The following FARS2 variants were observed in gnomAD, a reference collection of about 807,000 sequenced individuals.
The protein encoded by FARS2 is phenylalanyl-tRNA synthetase 2, mitochondrial, also known as phenylalanine--tRNA ligase, mitochondrial.
FARS2 carries 40 observed loss-of-function variants against 46.4 expected under a neutral mutation model. That is an observed-to-expected ratio of 0.86 (90% CI 0.67 to 1.12). The LOEUF (loss-of-function observed/expected upper bound fraction) is 1.12, where lower values mean the gene tolerates loss of function less well. FARS2 is among the 50% of genes most tolerant of loss of function. FARS2 has a pLI of 0.00. For synonymous variants in FARS2, 234 were observed against 214.9 expected, an observed-to-expected ratio of 1.09 and a Z score of -0.78; for missense variants, 513 against 567.9, an observed-to-expected ratio of 0.90 and a Z score of 0.98.
chr6:5,389,273 A>G (rs1050431093), intron 2 of FARS2, among the ~76,000 whole-genome samples: 19 of 152,108 alleles, frequency 1.2e-4, no homozygotes, highest in African/African-American at 4.3e-4. Context: ...TTAGGCGAGT[A>G]CTATTGTTGA....
chr6:5,649,882 A>G (rs968650304), intron 6 of FARS2, among the ~76,000 whole-genome samples: 2 of 152,224 alleles, frequency 1.3e-5, no homozygotes, highest in African/African-American at 4.8e-5. Context: ...ATTGTTGGTG[A>G]GTGAGGCCTA....
intron 1 of FARS2, among the ~76,000 whole-genome samples, chr6:5,323,268 T>G (rs953600863): frequency 6.6e-6 from 1 of 152,232 alleles, no homozygotes; most frequent in African/African-American, 2.4e-5. Flanking sequence ...AAGTTTTTCT[T>G]TGTTTATGCT....
chr6:5,770,535 G>A (rs1374019615), intron 6 of FARS2, among the ~76,000 whole-genome samples: 1 of 152,184 alleles, frequency 6.6e-6, no homozygotes, highest in South Asian at 2.1e-4. Context: ...CAGCCACACA[G>A]CCAGTGAGAG....
intron 6 of FARS2, among the ~76,000 whole-genome samples, chr6:5,620,611 C>T (rs1171568338): frequency 6.6e-6 from 1 of 152,202 alleles, no homozygotes; most frequent in African/African-American, 2.4e-5. Flanking sequence ...CTCTCCCCAC[C>T]TTCCCACCAT....
At chr6:5,690,670 C>T (rs1252467373) in intron 6 of FARS2, among the ~76,000 whole-genome samples, 26 of 151,984 alleles carry the variant, frequency 1.7e-4, no homozygotes, top group South Asian at 6.2e-4. Flanking sequence ...CTGACAATTA[C>T]GTGTCTTGGA....
At chr6:5,675,128 G>A (rs1356234400) in intron 6 of FARS2, among the ~76,000 whole-genome samples, 2 of 152,116 alleles carry the variant, frequency 1.3e-5, no homozygotes, top group African/African-American at 4.8e-5. Context: ...AATATTTGGT[G>A]AAGAAGGTGT....
chr6:5,321,429 G>T (rs1037583193), intron 1 of FARS2, among the ~76,000 whole-genome samples: 1 of 152,174 alleles, frequency 6.6e-6, no homozygotes, highest in East Asian at 1.9e-4. Context: ...TGTGAGCAGA[G>T]GATGGAGTGT....
At chr6:5,596,367 T>C (rs1168872745) in intron 5 of FARS2, among the ~76,000 whole-genome samples, 2 of 152,306 alleles carry the variant, frequency 1.3e-5, no homozygotes, top group East Asian at 3.9e-4. Context: ...GACAACACCA[T>C]CTGCCTTGCT....
At chr6:5,383,573 G>C (rs1243826529) in intron 2 of FARS2, among the ~76,000 whole-genome samples, 1 of 152,148 alleles carries the variant, frequency 6.6e-6, no homozygotes, top group African/African-American at 2.4e-5. Flanking sequence ...ACTCTTGAGT[G>C]GTGGTGAATG....
chr6:5,348,920 A>T (rs1757404387), intron 1 of FARS2, among the ~76,000 whole-genome samples: 1 of 152,198 alleles, frequency 6.6e-6, no homozygotes, highest in Non-Finnish European at 1.5e-5. Context: ...TTGGGAAAAC[A>T]ACAAAGATGT....
intron 1 of FARS2, among the ~76,000 whole-genome samples, chr6:5,364,985 G>T (rs1758554107): frequency 6.6e-6 from 1 of 151,876 alleles, no homozygotes; most frequent in Non-Finnish European, 1.5e-5. Flanking sequence ...GGAGGTTGAT[G>T]CTCCAGTAAG....
chr6:5,686,082 A>G (rs1757174077), intron 6 of FARS2, among the ~76,000 whole-genome samples: 1 of 152,150 alleles, frequency 6.6e-6, no homozygotes, highest in Admixed American at 6.5e-5. Flanking sequence ...ATGAGATTTC[A>G]TCTGTTTCCC....
chr6:5,711,788 G>A (rs1002966672), intron 6 of FARS2, among the ~76,000 whole-genome samples: 2 of 152,194 alleles, frequency 1.3e-5, no homozygotes, highest in Non-Finnish European at 2.9e-5. Context: ...ACTAAATGCA[G>A]TGTGGGATCC....
chr6:5,720,916 G>C (rs1187224040), intron 6 of FARS2, among the ~76,000 whole-genome samples: 1 of 152,078 alleles, frequency 6.6e-6, no homozygotes. Context: ...AGCTGTGCTA[G>C]GTAGCACATG....
intron 4 of FARS2, among the ~76,000 whole-genome samples, chr6:5,541,655 A>G (rs1455705235): frequency 6.6e-6 from 1 of 152,106 alleles, no homozygotes; most frequent in African/African-American, 2.4e-5. Flanking sequence ...GCTATCAGAA[A>G]AGGGTCCTGA....
intron 4 of FARS2, among the ~76,000 whole-genome samples, chr6:5,513,549 T>C (rs1261084583): frequency 6.6e-6 from 1 of 152,214 alleles, no homozygotes; most frequent in Non-Finnish European, 1.5e-5. Flanking sequence ...GAGTCTCAAA[T>C]GCCATCCAGG....
intron 1 of FARS2, among the ~76,000 whole-genome samples, chr6:5,333,783 A>G (rs11963989): frequency 0.052 from 7,928 of 152,166 alleles, 667 homozygotes; most frequent in African/African-American, 0.18. Context: ...CCTATAATTT[A>G]CCATGTAATT....
At chr6:5,564,751 A>G (rs946819823) in intron 5 of FARS2, among the ~76,000 whole-genome samples, 7 of 152,184 alleles carry the variant, frequency 4.6e-5, no homozygotes, top group African/African-American at 1.7e-4. Flanking sequence ...AAGCCCAGCC[A>G]TGGGTTTGTG....
chr6:5,640,180 G>A (rs905205945), intron 6 of FARS2, among the ~76,000 whole-genome samples: 9 of 150,792 alleles, frequency 6.0e-5, no homozygotes, highest in Non-Finnish European at 8.9e-5. Flanking sequence ...GAGAAAACGC[G>A]CACACATGCC....
Sources: gnomAD v4.1 joint callset for allele counts (sites outside exome capture counted in the v4.1 genomes callset) on GRCh38, gnomAD v4.1.1 for gene constraint, MANE v1.5 for transcripts, NCBI Gene and HGNC (gene_info 2026-07-23, HGNC 2026-07-21) for gene names.